Variants in MDH1B observed in about 807,000 individuals in gnomAD.
MDH1B encodes the protein putative malate dehydrogenase 1B.
Under a neutral mutation model 61.4 loss-of-function variants are expected in MDH1B, and 60 were observed. That is an observed-to-expected ratio of 0.98 (90% CI 0.79 to 1.21). MDH1B has a LOEUF of 1.21. Among genes scored for constraint, MDH1B ranks in the 50% most tolerant of loss-of-function variants. MDH1B has a pLI of 0.00. For synonymous variants in MDH1B, 236 were observed against 218.7 expected (o/e 1.08, Z -0.70); for missense variants, 587 against 632.1 (o/e 0.93, Z 0.76).
chr2:206,750,936 G>A lies in MDH1B; in HGVS notation c.1050C>T (p.Asp350=). The A allele has an allele frequency of 6.2e-7, 1 of 1,605,078 alleles. No homozygotes were observed. Among genetic ancestry groups the A allele is most frequent in the Non-Finnish European group, 8.5e-7 (1 of 1,176,044 alleles). ...CTTCACTTCAAAATATACTGTACCT[G>A]TCAAAAATCAAGTTTAAAACAGGGC... is the stretch of plus-strand genomic sequence containing the variant. ...YSRPVLNLIF[D]SEWVKREFVA... Residue 350 remains aspartate, a splice_region_variant and synonymous_variant, in exon 6 of 12, where the codon GAC becomes GAT. Coordinates refer to ENST00000374412, the MANE Select transcript of MDH1B (RefSeq NM_001039845.3).
intron 7 of MDH1B, among the ~76,000 whole-genome samples, chr2:206,747,204 C>A (rs550439527): frequency 1.3e-5 from 2 of 152,020 alleles, no homozygotes; most frequent in African/African-American, 2.4e-5. Flanking sequence ...TGAGGACATT[C>A]GAGAAACCAA....
intron 9 of MDH1B, among the ~76,000 whole-genome samples, chr2:206,743,011 A>G (rs1243223608): frequency 6.6e-6 from 1 of 152,108 alleles, no homozygotes; most frequent in Non-Finnish European, 1.5e-5. Context: ...CACCACGCCC[A>G]GCCGATGTCT....
chr2:206,747,892 G>A (rs1290908764), intron 7 of MDH1B, among the ~76,000 whole-genome samples: 1 of 151,248 alleles, frequency 6.6e-6, no homozygotes, highest in Non-Finnish European at 1.5e-5. Context: ...TCTGGTATAT[G>A]TTGGATGGAA....
At chr2:206,756,327 G>GT (rs1574643077) in intron 4 of MDH1B, among the ~76,000 whole-genome samples, 2 of 151,994 alleles carry the variant, frequency 1.3e-5, no homozygotes, top group South Asian at 4.2e-4. Flanking sequence ...ACACATGCAC[G>GT]TAAGAGCAGG....
chr2:206,739,807 C>T, intron 10 of MDH1B, 146 bp from the exon 11 acceptor site: 1 of 683,540 alleles, frequency 1.5e-6, no homozygotes, highest in Non-Finnish European at 2.5e-6. Context: ...TGCTAGACCA[C>T]TGTTATATAA....
Position 206,757,242 on chromosome 2 carries a change from C to T in MDH1B, c.265G>A (p.Ala89Thr). The T allele has an allele frequency of 6.2e-7, 1 of 1,612,878 alleles. No homozygotes were observed. Among genetic ancestry groups the T allele is most frequent in the East Asian group, 2.2e-5 (1 of 44,862 alleles). ...AGATAAGTTAACTTATATACCTGAG[C>T]ATGCTCCAGGAACTCATTATATCCT... ...LGGYNEFLEHAQLYYDVTSSM... is the reference protein window; with the variant it reads ...LGGYNEFLEHTQLYYDVTSSM... Residue 89 changes from alanine (A) to threonine (T), a missense_variant, in exon 3 of 12, where the codon GCT becomes ACT. Physicochemically the swap from Ala to Thr is moderately conservative, Grantham distance 58 (BLOSUM62 0). Coordinates refer to ENST00000374412, the MANE Select transcript of MDH1B (RefSeq NM_001039845.3).
In MDH1B at chr2:206,755,104, G is replaced by A. The variant is rs373565416; in HGVS notation, c.815C>T (p.Ala272Val). The A allele has an allele frequency of 2.6e-5, 42 of 1,614,208 alleles. No homozygotes were observed. The highest frequency in any genetic ancestry group is 1.9e-4 in the South Asian group (17 of 91,086). ...AATAATGTTGTGTGCAATGCGTGGGGCATATCTCATGAGTAAAACTGTCTT... is the reference window on the plus strand; with the variant it reads ...AATAATGTTGTGTGCAATGCGTGGGACATATCTCATGAGTAAAACTGTCTT... ...NLKTVLLMRYAPRIAHNIIAV... is the reference protein window; with the variant it reads ...NLKTVLLMRYVPRIAHNIIAV... Residue 272 changes from alanine to valine, a missense_variant, in exon 5 of 12, where the codon GCC becomes GTC. Ala to Val is a moderately conservative substitution (Grantham distance 64, BLOSUM62 0). Coordinates refer to ENST00000374412, the MANE Select transcript of MDH1B (RefSeq NM_001039845.3).
At chr2:206,749,728 C>T (rs746740983) in intron 6 of MDH1B, among the ~76,000 whole-genome samples, 19 of 152,162 alleles carry the variant, frequency 1.2e-4, no homozygotes, top group Non-Finnish European at 2.4e-4. Context: ...TAATTTTATA[C>T]AACATGTTTA....
At chr2:206,754,959 A>G (rs1688668168) in intron 5 of MDH1B, 50 bp downstream of exon 5, 1 of 1,573,902 alleles carries the variant, frequency 6.4e-7, no homozygotes, top group Admixed American at 1.8e-5. Flanking sequence ...CTGCTTTGAA[A>G]TCATGTTGTT....
chr2:206,745,727 CTTCTTT>C, intron 8 of MDH1B, 54 bp from the exon 9 acceptor site: 1 of 786,090 alleles, frequency 1.3e-6, no homozygotes, highest in South Asian at 1.8e-5. Flanking sequence ...TAACTTAATT[CTTCTTT>C]TTTTTTTTTT....
At chr2:206,748,813 C>T (rs1425887728) in intron 7 of MDH1B, among the ~76,000 whole-genome samples, 1 of 152,228 alleles carries the variant, frequency 6.6e-6, no homozygotes, top group Non-Finnish European at 1.5e-5. Flanking sequence ...CAGGTCTTAA[C>T]TCCTATGTGT....
At position 206,751,151 on chromosome 2, in the gene MDH1B, G is replaced by A. The variant is rs1423617968; in HGVS notation, c.911-76C>T. ...AAAAATTGCCTGAAGCCTATTTTTT[G>A]TTTGCGTGCATGTTTGTTTTAGGAT... On this transcript the variant is annotated intron_variant, in intron 5 of 11. Transcript: ENST00000374412. 4 of 1,043,586 alleles carry A rather than the reference G, an allele frequency of 3.8e-6. No homozygotes were observed. In the African/African-American group the frequency reaches 6.5e-5, roughly 17 times the overall value. 64.6% of individuals were successfully genotyped at this position (1,043,586 alleles called of 1,614,324 possible).
chr2:206,740,677 T>C (rs1559329657), intron 10 of MDH1B, among the ~76,000 whole-genome samples: 1 of 152,206 alleles, frequency 6.6e-6, no homozygotes, highest in Non-Finnish European at 1.5e-5. Flanking sequence ...AATTCTAACT[T>C]GGTTCTCTCG....
rs147896104 is a variant in MDH1B, at chr2:206,761,481, G to A, written c.23-468C>T. On this transcript the variant is annotated intron_variant, in intron 1 of 11. Transcript: ENST00000374412. ...GAATCTGGGATAACTTCTATTTTCCGGCTTGGGCAGATGATGCTGACCTTA... is the reference window on the plus strand; with the variant it reads ...GAATCTGGGATAACTTCTATTTTCCAGCTTGGGCAGATGATGCTGACCTTA... 5.3e-5 allele frequency among the ~76,000 whole-genome samples: 8 copies of A among 152,208 alleles called. No individual in the cohort carries two copies. The East Asian group carries it at 9.6e-4, about 18-fold the overall frequency.
rs767534167 is a variant in MDH1B, at chr2:206,755,498, C to G, written c.421G>C (p.Ala141Pro). Reference sequence around the variant, plus strand: ...GGAATTAGGTTGTAGCAGGCAGGAGCAGAGGCACTGATAAAAATGCAAAGC... The same window carrying G: ...GGAATTAGGTTGTAGCAGGCAGGAGGAGAGGCACTGATAAAAATGCAAAGC... The part of the protein sequence containing the change: ...PLQVWITSAS[A>P]PACYNLIPIL... Residue 141 changes from alanine (A) to proline (P), a missense_variant, in exon 5 of 12, where the codon GCT becomes CCT. Coordinates refer to ENST00000374412, the MANE Select transcript of MDH1B (RefSeq NM_001039845.3). The G allele has an allele frequency of 6.2e-7, 1 of 1,609,580 alleles. No individual in the cohort carries two copies. Among genetic ancestry groups the G allele is most frequent in the South Asian group, 1.1e-5 (1 of 90,354 alleles).
In MDH1B at chr2:206,755,349, G is replaced by A. The variant is rs762303891; in HGVS notation, c.570C>T (p.Pro190=). The change falls in exon 5 of 12, where the codon CCC becomes CCT. Residue 190 remains proline (P), a synonymous_variant. Coordinates refer to ENST00000374412, the MANE Select transcript of MDH1B (RefSeq NM_001039845.3). ...LVVETQDLAS[P]VLRSVSICTK... ...TGCAGATGGAGACACTGCGCAGGAC[G>A]GGAGATGCCAGGTCTTGGGTCTCCA... 1.9e-5 allele frequency: 30 copies of A among 1,614,060 alleles called. No individual in the cohort carries two copies. The African/African-American group carries it at 1.9e-4, about 10-fold the overall frequency.
intron 5 of MDH1B, among the ~76,000 whole-genome samples, chr2:206,754,017 C>A (rs1041521129): frequency 7.9e-5 from 12 of 152,188 alleles, no homozygotes; most frequent in African/African-American, 2.9e-4. Context: ...AAAAAGTTTT[C>A]ATTTCCTTCT....
intron 2 of MDH1B, among the ~76,000 whole-genome samples, chr2:206,760,394 C>T (rs1689020373): frequency 6.6e-6 from 1 of 152,202 alleles, no homozygotes; most frequent in Admixed American, 6.5e-5. Context: ...CAAGAGTTCA[C>T]TGTGGGATCC....
chr2:206,764,101 C>T (rs1416798346), intron 1 of MDH1B, among the ~76,000 whole-genome samples: 1 of 152,008 alleles, frequency 6.6e-6, no homozygotes, highest in African/African-American at 2.4e-5. Context: ...GAGTTCAAGA[C>T]CAGCGTGGGC....
Sources: allele counts gnomAD v4.1 joint callset (sites outside exome capture counted in the v4.1 genomes callset), GRCh38; gene constraint gnomAD v4.1.1; transcripts MANE v1.5; gene names NCBI Gene and HGNC (gene_info 2026-07-23, HGNC 2026-07-21).